Variants in MXI1 observed in about 807,000 individuals in gnomAD.
The protein encoded by MXI1 is max-interacting protein 1.
In MXI1, 18 loss-of-function variants were observed where a neutral mutation model predicts 36.9. The observed-to-expected ratio is 0.49, with a 90% confidence interval of 0.34 to 0.72. The LOEUF is 0.72. MXI1 is among the 30% of genes least tolerant of loss of function. The pLI is 0.01. For synonymous variants in MXI1, 160 were observed against 146.7 expected (o/e 1.09, Z -0.65); for missense variants, 304 against 379.1 (o/e 0.80, Z 1.64).
intron 1 of MXI1, among the ~76,000 whole-genome samples, chr10:110,218,277 C>T (rs1854707327): frequency 1.3e-5 from 2 of 151,952 alleles, no homozygotes; most frequent in East Asian, 1.9e-4. Flanking sequence ...GCTGAAATCC[C>T]GTCTCTACTA....
At chr10:110,220,778 A>G (rs1436902598) in intron 1 of MXI1, among the ~76,000 whole-genome samples, 3 of 152,256 alleles carry the variant, frequency 2.0e-5, no homozygotes, top group Non-Finnish European at 2.9e-5. Context: ...GCTTTCAAAT[A>G]TAGATGCAGA....
At chr10:110,271,525 A>T (rs113273714) in intron 3 of MXI1, among the ~76,000 whole-genome samples, 37 of 152,306 alleles carry the variant, frequency 2.4e-4, no homozygotes, top group African/African-American at 8.4e-4. Context: ...TTGTGGAAGA[A>T]ATTGTTTGGC....
intron 2 of MXI1, among the ~76,000 whole-genome samples, chr10:110,241,208 T>C (rs11195042): frequency 0.024 from 3,589 of 152,090 alleles, 69 homozygotes; most frequent in East Asian, 0.047. Flanking sequence ...TGTGATTCAA[T>C]GATAAAATGA....
chr10:110,234,673 T>C (rs562265212), intron 2 of MXI1, among the ~76,000 whole-genome samples: 1 of 152,288 alleles, frequency 6.6e-6, no homozygotes, highest in African/African-American at 2.4e-5. Flanking sequence ...ATTGCTGATA[T>C]TTTCTGTACT....
chr10:110,259,923 A>G (rs1013140747), intron 3 of MXI1, among the ~76,000 whole-genome samples: 12 of 152,108 alleles, frequency 7.9e-5, no homozygotes, highest in Admixed American at 1.3e-4. Context: ...AAAATAATTA[A>G]TCAGCACTAT....
chr10:110,231,364 C>G (rs532532867), intron 2 of MXI1, among the ~76,000 whole-genome samples: 3 of 124,620 alleles, frequency 2.4e-5, no homozygotes, highest in Admixed American at 7.6e-5. Flanking sequence ...GATAATCCAC[C>G]CCCCCCCCCT....
intron 3 of MXI1, among the ~76,000 whole-genome samples, chr10:110,256,383 C>T (rs1010830387): frequency 6.6e-6 from 1 of 151,892 alleles, no homozygotes; most frequent in Non-Finnish European, 1.5e-5. Flanking sequence ...GTGGGCGGAT[C>T]ACCTGAGGTT....
At chr10:110,237,856 AC>A (rs1371343401) in intron 2 of MXI1, among the ~76,000 whole-genome samples, 12 of 152,174 alleles carry the variant, frequency 7.9e-5, no homozygotes, top group African/African-American at 2.9e-4. Context: ...GCCCACTGCA[AC>A]CTCAATCTCC....
chr10:110,220,425 T>C (rs747963772), intron 1 of MXI1, among the ~76,000 whole-genome samples: 8 of 152,212 alleles, frequency 5.3e-5, no homozygotes, highest in African/African-American at 1.7e-4. Flanking sequence ...AAGAGAATGG[T>C]ATTTTTATTA....
At chr10:110,261,425 A>G (rs1856505936) in intron 3 of MXI1, among the ~76,000 whole-genome samples, 1 of 136,298 alleles carries the variant, frequency 7.3e-6, no homozygotes, top group East Asian at 2.2e-4. Flanking sequence ...TGACTATTCA[A>G]ACCATTTTTT....
intron 1 of MXI1, among the ~76,000 whole-genome samples, chr10:110,211,872 T>C (rs940804543): frequency 1.3e-5 from 2 of 152,198 alleles, no homozygotes; most frequent in Admixed American, 6.5e-5. Context: ...TGTGATCCTA[T>C]TACCACAAAT....
rs1302834639 is a variant in MXI1, at chr10:110,285,957, AG to A, written c.*971del. On this transcript the variant is annotated 3_prime_UTR_variant, in exon 6 of 6. Transcript: ENST00000332674. ...TTAAAGCTTATCCATAAAAAAAAATAGATGTCTTTTATAGTGGAAAAACACA... is the reference window on the plus strand; with the variant it reads ...TTAAAGCTTATCCATAAAAAAAAATAATGTCTTTTATAGTGGAAAAACACA... 6.6e-6 allele frequency: 1 copy of A among 152,632 alleles called. No homozygotes were observed. The highest frequency in any genetic ancestry group is 2.4e-5 in the African/African-American group (1 of 41,442). 9.5% of individuals were successfully genotyped at this position (152,632 alleles called of 1,614,324 possible).
intron 1 of MXI1, chr10:110,210,420 A>G (rs761939920): frequency 8.9e-5 from 37 of 417,548 alleles, no homozygotes; most frequent in African/African-American, 5.4e-4. Context: ...GTTTGGCTCT[A>G]AATGACGTGA....
intron 3 of MXI1, among the ~76,000 whole-genome samples, chr10:110,250,843 A>T (rs954866988): frequency 1.2e-4 from 16 of 135,546 alleles, no homozygotes; most frequent in South Asian, 2.3e-4. Context: ...AAAAAAAAAA[A>T]AAAAATAACA....
intron 1 of MXI1, among the ~76,000 whole-genome samples, chr10:110,223,497 G>A (rs554777825): frequency 1.3e-5 from 2 of 152,130 alleles, no homozygotes; most frequent in South Asian, 2.1e-4. Flanking sequence ...AGGAGAACCC[G>A]GGAGGTGGAG....
intron 1 of MXI1, among the ~76,000 whole-genome samples, chr10:110,209,442 G>T: frequency 6.6e-6 from 1 of 152,160 alleles, no homozygotes; most frequent in East Asian, 1.9e-4. Context: ...AAACACCATT[G>T]CTGACTGATA....
At chr10:110,226,785 AGG>A (rs1203270421) in intron 1 of MXI1, among the ~76,000 whole-genome samples, 8 of 5,978 alleles carry the variant, frequency 1.3e-3, no homozygotes, top group Non-Finnish European at 2.1e-3. Context: ...GTATGAGGGA[AGG>A]GGAGCGCGCG....
chr10:110,276,524 A>G (rs1291320645), intron 3 of MXI1, among the ~76,000 whole-genome samples: 1 of 152,196 alleles, frequency 6.6e-6, no homozygotes, highest in East Asian at 1.9e-4. Flanking sequence ...GTTGTCCTTG[A>G]TATCTGTATG....
In MXI1 at chr10:110,273,704, C is replaced by T. The variant is rs73358713; in HGVS notation, c.438-5476C>T. ...AGAGGACTCATAGTTCATTACGTAA[C>T]ATTCAGCAGAGCGGAAAATATAAGC... is the stretch of plus-strand genomic sequence containing the variant. On this transcript the variant is annotated intron_variant, in intron 3 of 5. Coordinates refer to ENST00000332674, the MANE Select transcript of MXI1 (RefSeq NM_130439.3). 9.0e-3 allele frequency among the ~76,000 whole-genome samples: 1,365 copies of T among 152,324 alleles called. 14 individuals carry two copies. The highest frequency in any genetic ancestry group is 0.027 in the East Asian group (141 of 5,188).
Sources: gnomAD v4.1 joint callset for allele counts (sites outside exome capture counted in the v4.1 genomes callset) on GRCh38, gnomAD v4.1.1 for gene constraint, MANE v1.5 for transcripts, NCBI Gene and HGNC (gene_info 2026-07-23, HGNC 2026-07-21) for gene names.